The following TMEM108 variants were observed in gnomAD, a reference collection of about 807,000 sequenced individuals.
The protein encoded by TMEM108 is transmembrane protein 108, also known as cancer/testis antigen 124.
Under a neutral mutation model 35.1 loss-of-function variants are expected in TMEM108, and 12 were observed. The ratio of observed to expected loss-of-function variants is 0.34; its 90% CI spans 0.22 to 0.55. The LOEUF is 0.55. Ranked by LOEUF, TMEM108 falls within the 20% of genes least tolerant of loss-of-function variation. The pLI is 0.89. For missense variants in TMEM108, 680 were observed against 753.3 expected (o/e 0.90, Z 1.14); for synonymous variants, 287 against 308.6 (o/e 0.93, Z 0.73).
At chr3:133,250,354 T>C (rs1946450658) in intron 3 of TMEM108, among the ~76,000 whole-genome samples, 1 of 152,206 alleles carries the variant, frequency 6.6e-6, no homozygotes, top group African/African-American at 2.4e-5. Flanking sequence ...ACTTAATGAA[T>C]AGTAAATATG....
At chr3:133,167,656 G>A (rs569115869) in intron 2 of TMEM108, among the ~76,000 whole-genome samples, 72 of 152,304 alleles carry the variant, frequency 4.7e-4, no homozygotes, top group Middle Eastern at 3.4e-3. Flanking sequence ...CTCACTGCCC[G>A]GGGCCAGTGC....
chr3:133,363,296 A>G (rs2072409241), intron 3 of TMEM108, among the ~76,000 whole-genome samples: 1 of 152,114 alleles, frequency 6.6e-6, no homozygotes, highest in Non-Finnish European at 1.5e-5. Context: ...CAGGGACCCA[A>G]CAGTCTGTAG....
chr3:133,383,597 G>A (rs933134102), intron 4 of TMEM108, among the ~76,000 whole-genome samples: 4 of 152,244 alleles, frequency 2.6e-5, no homozygotes, highest in South Asian at 2.1e-4. Context: ...CTTCTGTTAT[G>A]TATAAGCTTG....
At position 133,380,571 on chromosome 3, in the gene TMEM108, G is replaced by T. The variant is rs762774573; in HGVS notation, c.860G>T (p.Gly287Val). The T allele has an allele frequency of 1.9e-6, 3 of 1,613,362 alleles. No individual in the cohort carries two copies. In the East Asian group the frequency reaches 6.7e-5, roughly 36 times the overall value. The part of the protein sequence containing the change: ...KPGLRRAAQG[G>V]GSTFTSQGGT... ...GGCCTTCGCAGAGCAGCCCAGGGGG[G>T]TGGTTCTACCTTCACCAGCCAAGGA... Residue 287 changes from glycine to valine, a missense_variant, in exon 4 of 6, where the codon GGT becomes GTT. By Grantham distance (109) the Gly-to-Val change is moderately radical. This residue lies in a region of TMEM108 where 526 missense variants were observed against 532.1 expected (regional missense o/e 0.99). Coordinates refer to ENST00000321871, the MANE Select transcript of TMEM108 (RefSeq NM_023943.4). This position sits in a 1 kb window ranked among gnomAD's most constrained non-coding sequence, Gnocchi z 5.3.
In TMEM108 at chr3:133,379,822, T is replaced by C. The variant is rs1245812630; in HGVS notation, c.111T>C (p.Ser37=). The C allele has an allele frequency of 6.2e-7, 1 of 1,613,790 alleles. No individual in the cohort carries two copies. Among genetic ancestry groups the C allele is most frequent in the Non-Finnish European group, 8.5e-7 (1 of 1,179,914 alleles). ...TCCAGGAACCATCTCCCAGGGAATC[T>C]CTTCAGGTCCTCCCTTCAGGCACTC... The part of the protein sequence containing the change: ...FAIQEPSPRE[S]LQVLPSGTPP... Residue 37 remains serine, a synonymous_variant, in exon 4 of 6, where the codon TCT becomes TCC. Coordinates refer to ENST00000321871, the MANE Select transcript of TMEM108 (RefSeq NM_023943.4).
At chr3:133,225,042 A>ATT (rs11347955) in intron 2 of TMEM108, among the ~76,000 whole-genome samples, 3 of 112,920 alleles carry the variant, frequency 2.7e-5, no homozygotes, top group East Asian at 5.4e-4. Context: ...AAACCTCCTA[A>ATT]TTTTTTTTTT....
At chr3:133,280,432 G>C (rs1310925500) in intron 3 of TMEM108, among the ~76,000 whole-genome samples, 1 of 152,050 alleles carries the variant, frequency 6.6e-6, no homozygotes, top group Admixed American at 6.5e-5. Flanking sequence ...CTGAGTGTAG[G>C]GGGAAAGTGA....
intron 3 of TMEM108, among the ~76,000 whole-genome samples, chr3:133,266,645 C>G (rs1946700258): frequency 6.6e-6 from 1 of 152,132 alleles, no homozygotes; most frequent in African/African-American, 2.4e-5. Flanking sequence ...ATATGTTCTC[C>G]TGATTAAGTG....
At chr3:133,123,045 C>T (rs1051117099) in intron 2 of TMEM108, among the ~76,000 whole-genome samples, 1 of 152,102 alleles carries the variant, frequency 6.6e-6, no homozygotes, top group Admixed American at 6.6e-5. Flanking sequence ...TACACGTATA[C>T]ATAAATACCT....
intron 2 of TMEM108, among the ~76,000 whole-genome samples, chr3:133,140,643 A>G (rs1944628204): frequency 6.6e-6 from 1 of 152,146 alleles, no homozygotes; most frequent in Non-Finnish European, 1.5e-5. Context: ...ACAAAACAGA[A>G]ATTAAGTACC....
At chr3:133,057,429 GTGTGTGTATATATA>G (rs1943478949) in intron 2 of TMEM108, among the ~76,000 whole-genome samples, 1 of 30,624 alleles carries the variant, frequency 3.3e-5, no homozygotes, top group African/African-American at 1.1e-4. Context: ...AGTTGTGTGT[GTGTGTGTATATATA>G]TATATATATA....
Position 133,185,716 on chromosome 3 carries a change from G to A in TMEM108, c.-46-43550G>A, listed in dbSNP as rs570302590. Among the ~76,000 whole-genome samples the A allele has an allele frequency of 4.0e-5, 6 of 151,864 alleles. No homozygotes were observed. In the South Asian group the frequency reaches 1.3e-3, roughly 32 times the overall value. ...TCAGAAAACTTGCACCCAAGAATGA[G>A]CAGGTGCCTCCACTGCCTTTGGCCA... On this transcript the variant is annotated intron_variant, in intron 2 of 5. Coordinates refer to ENST00000321871, the MANE Select transcript of TMEM108 (RefSeq NM_023943.4).
intron 3 of TMEM108, among the ~76,000 whole-genome samples, chr3:133,268,314 T>G (rs1259965623): frequency 6.6e-6 from 1 of 152,162 alleles, no homozygotes; most frequent in Non-Finnish European, 1.5e-5. Flanking sequence ...AGAAATATAG[T>G]CCTTTATTGT....
chr3:133,203,842 ATTGT>A (rs1945709353), intron 2 of TMEM108, among the ~76,000 whole-genome samples: 1 of 152,020 alleles, frequency 6.6e-6, no homozygotes, highest in African/African-American at 2.4e-5. Flanking sequence ...CTCTTTGTCC[ATTGT>A]TTGTAATAGT....
intron 2 of TMEM108, among the ~76,000 whole-genome samples, chr3:133,112,728 G>GT (rs1329381513): frequency 6.6e-6 from 1 of 152,156 alleles, no homozygotes; most frequent in African/African-American, 2.4e-5. Context: ...GCAGTCAAAT[G>GT]TGTTTATCAA....
chr3:133,315,359 A>G (rs147790952), intron 3 of TMEM108, among the ~76,000 whole-genome samples: 16 of 152,242 alleles, frequency 1.1e-4, no homozygotes, highest in African/African-American at 3.4e-4. Flanking sequence ...CCTCCCTCCA[A>G]TCTTTTGTGC....
intron 2 of TMEM108, among the ~76,000 whole-genome samples, chr3:133,095,975 C>T (rs1252485178): frequency 6.6e-6 from 1 of 152,200 alleles, no homozygotes; most frequent in Non-Finnish European, 1.5e-5. Flanking sequence ...TTCCATTCAA[C>T]AGCAGCGTTT....
At chr3:133,107,159 T>C (rs1217461802) in intron 2 of TMEM108, among the ~76,000 whole-genome samples, 1 of 152,070 alleles carries the variant, frequency 6.6e-6, no homozygotes. Flanking sequence ...GCATATAGAG[T>C]ATTTACAAAT....
intron 2 of TMEM108, among the ~76,000 whole-genome samples, chr3:133,224,374 G>A (rs923896411): frequency 5.9e-5 from 9 of 152,090 alleles, no homozygotes; most frequent in Non-Finnish European, 8.8e-5. Flanking sequence ...CTGAGGTTTT[G>A]ACAATACTGG....
Sources: allele counts gnomAD v4.1 joint callset (sites outside exome capture counted in the v4.1 genomes callset), GRCh38; gene constraint gnomAD v4.1.1; regional missense constraint gnomAD v4.1.1; non-coding constraint Gnocchi (gnomAD v3.1); transcripts MANE v1.5; gene names NCBI Gene and HGNC (gene_info 2026-07-23, HGNC 2026-07-21).